CAPN9: variants seen among roughly 807,000 people sequenced by gnomAD.
CAPN9 encodes the protein calpain-9.
Under a neutral mutation model 92.8 loss-of-function variants are expected in CAPN9, and 81 were observed. The ratio of observed to expected loss-of-function variants is 0.87; its 90% CI spans 0.73 to 1.05. CAPN9 has a LOEUF of 1.05. CAPN9 is among the 50% of genes least tolerant of loss of function. CAPN9 has a pLI of 0.00. For synonymous variants in CAPN9, 304 were observed against 328.0 expected, an observed-to-expected ratio of 0.93 and a Z score of 0.79; for missense variants, 848 against 866.2, an observed-to-expected ratio of 0.98 and a Z score of 0.26.
intron 1 of CAPN9, 83 bp from the exon 2 acceptor site, chr1:230,755,254 A>G: frequency 9.1e-7 from 1 of 1,099,680 alleles, no homozygotes; most frequent in South Asian, 1.4e-5. Flanking sequence ...TGCCCCAAGA[A>G]AGCAGAGAGA....
chr1:230,762,835 AC>A, intron 4 of CAPN9, 49 bp downstream of exon 4: 1 of 1,586,874 alleles, frequency 6.3e-7, no homozygotes, highest in Non-Finnish European at 8.6e-7. Context: ...AGGAGTCTCT[AC>A]ACTAGTCTTT....
At chr1:230,748,517 C>T (rs1178487212) in intron 1 of CAPN9, among the ~76,000 whole-genome samples, 1 of 152,118 alleles carries the variant, frequency 6.6e-6, no homozygotes, top group Non-Finnish European at 1.5e-5. Context: ...TCCTGAGTGC[C>T]TGTCTTATCC....
chr1:230,764,114 A>G (rs1441834900), intron 4 of CAPN9, among the ~76,000 whole-genome samples: 1 of 152,242 alleles, frequency 6.6e-6, no homozygotes, highest in African/African-American at 2.4e-5. Flanking sequence ...TTATGTGTCA[A>G]CTTGATTGGG....
intron 2 of CAPN9, 78 bp from the exon 3 acceptor site, chr1:230,759,434 A>G (rs974541105): frequency 8.0e-6 from 8 of 1,004,782 alleles, no homozygotes; most frequent in African/African-American, 6.5e-5. Flanking sequence ...AACTCCCCAC[A>G]TCCCCTTCTG....
chr1:230,768,120 G>A (rs1666128683), intron 5 of CAPN9, among the ~76,000 whole-genome samples: 1 of 151,962 alleles, frequency 6.6e-6, no homozygotes, highest in South Asian at 2.1e-4. Context: ...GCATGGTGGT[G>A]TGTGTCTGGA....
chr1:230,787,753 G>A (rs926879167), intron 13 of CAPN9, 151 bp downstream of exon 13: 3 of 652,232 alleles, frequency 4.6e-6, no homozygotes, highest in Middle Eastern at 4.2e-4. Flanking sequence ...ATCATTCAAG[G>A]CCCAAAGACC....
At chr1:230,784,316 T>A (rs1667430296) in intron 11 of CAPN9, among the ~76,000 whole-genome samples, 1 of 152,132 alleles carries the variant, frequency 6.6e-6, no homozygotes, top group South Asian at 2.1e-4. Flanking sequence ...TTTACATAAC[T>A]AAAAAGAGCC....
chr1:230,777,204 C>T (rs1417436237), intron 8 of CAPN9, among the ~76,000 whole-genome samples: 2 of 152,124 alleles, frequency 1.3e-5, no homozygotes, highest in African/African-American at 2.4e-5. Context: ...CTGGTGCAGA[C>T]GGTGGGAGAA....
chr1:230,791,276 A>G (rs1008853459), intron 14 of CAPN9, among the ~76,000 whole-genome samples: 2 of 152,216 alleles, frequency 1.3e-5, no homozygotes, highest in African/African-American at 2.4e-5. Flanking sequence ...GCAACAGTCT[A>G]TGGTTACATG....
intron 2 of CAPN9, among the ~76,000 whole-genome samples, chr1:230,755,741 C>T (rs1665181988): frequency 1.3e-5 from 2 of 152,332 alleles, no homozygotes; most frequent in South Asian, 4.1e-4. Context: ...GAGGTACTCT[C>T]CCCAGCACAC....
chr1:230,747,966 C>A (rs1241067539), intron 1 of CAPN9, among the ~76,000 whole-genome samples: 2 of 152,162 alleles, frequency 1.3e-5, no homozygotes, highest in Non-Finnish European at 2.9e-5. Flanking sequence ...CCCACCGAGG[C>A]TGAGGACCTG....
intron 4 of CAPN9, among the ~76,000 whole-genome samples, chr1:230,765,816 A>G (rs747141483): frequency 6.6e-6 from 1 of 152,250 alleles, no homozygotes; most frequent in Non-Finnish European, 1.5e-5. Context: ...AATTATGTTT[A>G]TATTCCATCC....
intron 1 of CAPN9, among the ~76,000 whole-genome samples, chr1:230,751,545 AAAAG>A (rs1012169127): frequency 1.3e-5 from 2 of 150,428 alleles, no homozygotes; most frequent in Non-Finnish European, 3.0e-5. Context: ...AAGATAGAAA[AAAAG>A]AAAGGAAGAA....
At chr1:230,749,774 T>C (rs917451642) in intron 1 of CAPN9, among the ~76,000 whole-genome samples, 5 of 152,190 alleles carry the variant, frequency 3.3e-5, no homozygotes, top group African/African-American at 9.7e-5. Flanking sequence ...AGTAGAGCAC[T>C]TAGCAAAGAG....
At chr1:230,751,635 GAAAGAAAGAAAGAAAGAA>G (rs1664822318) in intron 1 of CAPN9, among the ~76,000 whole-genome samples, 2 of 93,594 alleles carry the variant, frequency 2.1e-5, no homozygotes, top group Non-Finnish European at 4.3e-5. Context: ...AAGAAAGAAA[GAAAGAAAGAAAGAAAGAA>G]AGAAAGAAAG....
intron 3 of CAPN9, among the ~76,000 whole-genome samples, chr1:230,761,570 A>C (rs1309805296): frequency 6.6e-6 from 1 of 151,820 alleles, no homozygotes; most frequent in Non-Finnish European, 1.5e-5. Flanking sequence ...ACACACACAC[A>C]CAGACACCCT....
At chr1:230,764,162 T>G (rs1360563495) in intron 4 of CAPN9, among the ~76,000 whole-genome samples, 1 of 152,244 alleles carries the variant, frequency 6.6e-6, no homozygotes, top group Non-Finnish European at 1.5e-5. Context: ...GCATTATTTC[T>G]GGGTGTGTCT....
intron 2 of CAPN9, among the ~76,000 whole-genome samples, chr1:230,757,399 T>C (rs1665309482): frequency 6.6e-6 from 1 of 152,162 alleles, no homozygotes; most frequent in Non-Finnish European, 1.5e-5. Flanking sequence ...TTTTTCAAAG[T>C]TTTGGTTTGT....
rs954700692 is a variant in CAPN9 at position 230,772,114 on chromosome 1, C to A, written c.875+15C>A. The A allele has an allele frequency of 6.2e-7, 1 of 1,611,702 alleles. No individual in the cohort carries two copies. The highest frequency in any genetic ancestry group is 8.5e-7 in the Non-Finnish European group (1 of 1,177,836). ...TGGAGCGACAGGTCAGTCACCCTATCCTGCCTCTCTGGCTGGTTCCCGGGG... is the reference window on the plus strand; with the variant it reads ...TGGAGCGACAGGTCAGTCACCCTATACTGCCTCTCTGGCTGGTTCCCGGGG... On this transcript the variant is annotated intron_variant, in intron 7 of 19. Transcript: ENST00000271971.
Sources: gnomAD v4.1 joint callset for allele counts (sites outside exome capture counted in the v4.1 genomes callset) on GRCh38, gnomAD v4.1.1 for gene constraint, MANE v1.5 for transcripts, NCBI Gene and HGNC (gene_info 2026-07-23, HGNC 2026-07-21) for gene names.